The following SCRG1 variants were observed in gnomAD, a reference collection of about 807,000 sequenced individuals.
The protein encoded by SCRG1 is scrapie-responsive protein 1.
A neutral mutation model predicts 7.7 loss-of-function variants in SCRG1; 3 were observed. That is an observed-to-expected ratio of 0.39 (90% CI 0.18 to 1.01). The LOEUF is 1.01. Ranked by LOEUF, SCRG1 falls within the 50% of genes least tolerant of loss-of-function variation. The probability of loss-of-function intolerance (pLI) is 0.36; values close to 1 mark genes in which losing one functional copy is unlikely to be tolerated. For synonymous variants in SCRG1, 46 were observed against 41.2 expected, an observed-to-expected ratio of 1.12 and a Z score of -0.44; for missense variants, 110 against 117.2, an observed-to-expected ratio of 0.94 and a Z score of 0.28.
chr4:173,484,826 A>C, the SCRG1 span, among the ~76,000 whole-genome samples: 1 of 83,216 alleles, frequency 1.2e-5, no homozygotes, highest in Non-Finnish European at 2.1e-5. Context: ...TATAATATAT[A>C]TTATATGTAC....
the SCRG1 span, among the ~76,000 whole-genome samples, chr4:173,507,399 AG>A: frequency 6.6e-6 from 1 of 152,068 alleles, no homozygotes; most frequent in Non-Finnish European, 1.5e-5. The surrounding 1 kb of genome is among the most constrained non-coding windows in gnomAD (Gnocchi z 4.4). Context: ...TAGTAGAGAC[AG>A]GGTTTCGCCA....
chr4:173,451,639 TTTATTTATTTATTTATTTA>T, the SCRG1 span, among the ~76,000 whole-genome samples: 2 of 57,588 alleles, frequency 3.5e-5, no homozygotes, highest in Admixed American at 2.0e-4. Context: ...ACTTATTTTA[TTTATTTATTTATTTATTTA>T]TTTATTTATT....
chr4:173,502,851 C>G, the SCRG1 span, among the ~76,000 whole-genome samples: 1 of 152,222 alleles, frequency 6.6e-6, no homozygotes, highest in Non-Finnish European at 1.5e-5. The surrounding 1 kb of genome is among the most constrained non-coding windows in gnomAD (Gnocchi z 4.6). Flanking sequence ...CAGGTGCACT[C>G]TGGCTGCAAC....
chr4:173,452,663 C>A, the SCRG1 span, among the ~76,000 whole-genome samples: 1 of 152,278 alleles, frequency 6.6e-6, no homozygotes, highest in African/African-American at 2.4e-5. Flanking sequence ...CCCTCTTGCA[C>A]ACATGTATTT....
At chr4:173,466,708 C>T in the SCRG1 span, among the ~76,000 whole-genome samples, 3 of 152,266 alleles carry the variant, frequency 2.0e-5, no homozygotes, top group East Asian at 3.9e-4. Flanking sequence ...CTGATAATGA[C>T]ATTTCAGCAT....
At chr4:173,389,350 C>T (rs1422681346) in intron 2 of SCRG1, among the ~76,000 whole-genome samples, 2 of 151,994 alleles carry the variant, frequency 1.3e-5, no homozygotes, top group South Asian at 2.1e-4. Context: ...CTGACCAACA[C>T]GGTGAAACCC....
chr4:173,441,538 C>T, the SCRG1 span, among the ~76,000 whole-genome samples: 17 of 152,262 alleles, frequency 1.1e-4, no homozygotes, highest in East Asian at 2.3e-3. Context: ...TCTGGGACTA[C>T]TTTTGCTCAT....
the SCRG1 span, among the ~76,000 whole-genome samples, chr4:173,454,572 CATT>C: frequency 6.6e-6 from 1 of 152,204 alleles, no homozygotes; most frequent in Non-Finnish European, 1.5e-5. Context: ...TTTATAGTAT[CATT>C]AATAAGTCTA....
At chr4:173,425,488 C>T in the SCRG1 span, among the ~76,000 whole-genome samples, 1 of 152,166 alleles carries the variant, frequency 6.6e-6, no homozygotes, top group Admixed American at 6.5e-5. Flanking sequence ...AAAAGATATC[C>T]ACTCTGTGTC....
At chr4:173,414,405 T>C in the SCRG1 span, among the ~76,000 whole-genome samples, 1 of 152,206 alleles carries the variant, frequency 6.6e-6, no homozygotes, top group Non-Finnish European at 1.5e-5. Context: ...TCTCACACTC[T>C]GTGAGCATCT....
At chr4:173,437,753 G>T in the SCRG1 span, among the ~76,000 whole-genome samples, 2 of 152,134 alleles carry the variant, frequency 1.3e-5, no homozygotes, top group South Asian at 4.1e-4. Context: ...ATATATTAAA[G>T]ATAAACAATT....
chr4:173,444,079 T>G, the SCRG1 span, among the ~76,000 whole-genome samples: 1 of 151,866 alleles, frequency 6.6e-6, no homozygotes, highest in East Asian at 1.9e-4. Context: ...TTTCAAGAGA[T>G]TCTACTGTCT....
At chr4:173,456,527 T>C in the SCRG1 span, among the ~76,000 whole-genome samples, 2 of 152,348 alleles carry the variant, frequency 1.3e-5, no homozygotes, top group South Asian at 4.1e-4. Context: ...TGCATACACA[T>C]ACAAATGCTG....
At chr4:173,438,516 CTT>C in the SCRG1 span, among the ~76,000 whole-genome samples, 1 of 151,124 alleles carries the variant, frequency 6.6e-6, no homozygotes, top group African/African-American at 2.4e-5. Flanking sequence ...AAATTTTAAA[CTT>C]TGATTGGAAA....
the SCRG1 span, among the ~76,000 whole-genome samples, chr4:173,484,036 A>G: frequency 3.3e-5 from 3 of 90,864 alleles, no homozygotes; most frequent in Non-Finnish European, 5.6e-5. Flanking sequence ...ATATACATAT[A>G]TAATTATAAA....
chr4:173,464,673 ACAGTTTGG>A, the SCRG1 span, among the ~76,000 whole-genome samples: 1 of 152,190 alleles, frequency 6.6e-6, no homozygotes, highest in Non-Finnish European at 1.5e-5. Context: ...GCTGTGAAAG[ACAGTTTGG>A]CAGTTTCTCA....
At chr4:173,515,875 T>A in the SCRG1 span, among the ~76,000 whole-genome samples, 1 of 152,174 alleles carries the variant, frequency 6.6e-6, no homozygotes, top group African/African-American at 2.4e-5. The surrounding 1 kb of genome is among the most constrained non-coding windows in gnomAD (Gnocchi z 4.6). Context: ...TTGTTAAAAA[T>A]TTAACTCAGA....
At chr4:173,495,323 G>T in the SCRG1 span, among the ~76,000 whole-genome samples, 1 of 152,330 alleles carries the variant, frequency 6.6e-6, no homozygotes, top group South Asian at 2.1e-4. Context: ...TGAGGGCACT[G>T]CCACAAACTG....
the SCRG1 span, chr4:173,468,997 A>G: frequency 6.6e-6 from 1 of 152,196 alleles, no homozygotes; most frequent in African/African-American, 2.4e-5. Context: ...AAGTAGCCTG[A>G]GTAGAGGCTC....
Sources: allele counts gnomAD v4.1 joint callset (sites outside exome capture counted in the v4.1 genomes callset), GRCh38; gene constraint gnomAD v4.1.1; non-coding constraint Gnocchi (gnomAD v3.1); transcripts MANE v1.5; gene names NCBI Gene and HGNC (gene_info 2026-07-23, HGNC 2026-07-21).